Variants in RAPGEF4 observed in about 807,000 individuals in gnomAD.
RAPGEF4 encodes Rap guanine nucleotide exchange factor 4.
Under a neutral mutation model 147.9 loss-of-function variants are expected in RAPGEF4, and 66 were observed. That is an observed-to-expected ratio of 0.45 (90% CI 0.37 to 0.55). The LOEUF is 0.55. RAPGEF4 is among the 20% of genes least tolerant of loss of function. The probability of loss-of-function intolerance (pLI) is 0.00; values close to 1 mark genes in which losing one functional copy is unlikely to be tolerated. For synonymous variants in RAPGEF4, 419 were observed against 442.7 expected (o/e 0.95, Z 0.67); for missense variants, 1,071 against 1,257.3 (o/e 0.85, Z 2.24).
intron 26 of RAPGEF4, among the ~76,000 whole-genome samples, chr2:173,033,442 CAA>C (rs1170693400): frequency 6.6e-6 from 1 of 152,074 alleles, no homozygotes; most frequent in Non-Finnish European, 1.5e-5. Context: ...TATCAGTAAA[CAA>C]AACAAATAAA....
chr2:173,033,292 G>C (rs1188932007), intron 26 of RAPGEF4, among the ~76,000 whole-genome samples: 1 of 152,190 alleles, frequency 6.6e-6, no homozygotes, highest in African/African-American at 2.4e-5. Context: ...GCTCTAATGA[G>C]AAGCAGCTGT....
At chr2:172,765,524 G>T (rs1048390905) in intron 1 of RAPGEF4, among the ~76,000 whole-genome samples, 14 of 152,142 alleles carry the variant, frequency 9.2e-5, no homozygotes, top group African/African-American at 3.4e-4. Flanking sequence ...CTAGTGTCTT[G>T]CCATCTCTCA....
rs1177106687 is a variant in RAPGEF4 at position 173,018,697 on chromosome 2, A to G, written c.2050A>G (p.Ile684Val). Reference sequence around the variant, plus strand: ...TTGCATGGACCACACCTACACAACCATTCGGGTGCCAGTGGCCACTTCGGT... The same window carrying G: ...TTGCATGGACCACACCTACACAACCGTTCGGGTGCCAGTGGCCACTTCGGT... Reference protein sequence around the residue: ...VYCMDHTYTTIRVPVATSVKE... With the variant: ...VYCMDHTYTTVRVPVATSVKE... Residue 684 changes from isoleucine to valine, a missense_variant, in exon 22 of 31, where the codon ATT becomes GTT. Ile to Val is a conservative substitution (Grantham distance 29, BLOSUM62 3). Coordinates refer to ENST00000397081, the MANE Select transcript of RAPGEF4 (RefSeq NM_007023.4). 3.1e-6 allele frequency: 5 copies of G among 1,614,016 alleles called. No individual in the cohort carries two copies. Among genetic ancestry groups the G allele is most frequent in the East Asian group, 4.5e-5 (2 of 44,886 alleles).
intron 6 of RAPGEF4, among the ~76,000 whole-genome samples, chr2:172,945,830 A>T (rs1687624702): frequency 6.6e-6 from 1 of 152,232 alleles, no homozygotes; most frequent in African/African-American, 2.4e-5. Flanking sequence ...GGCTATGTTC[A>T]AGTGGCCAAA....
At chr2:172,794,378 AAGC>A (rs1003050796) in intron 1 of RAPGEF4, among the ~76,000 whole-genome samples, 2 of 152,012 alleles carry the variant, frequency 1.3e-5, no homozygotes, top group African/African-American at 4.8e-5. Context: ...AAAAAGAAAA[AAGC>A]AGACAAATGT....
At chr2:172,742,809 T>G (rs929822090) in intron 1 of RAPGEF4, among the ~76,000 whole-genome samples, 1 of 152,200 alleles carries the variant, frequency 6.6e-6, no homozygotes, top group Non-Finnish European at 1.5e-5. Context: ...TGGGGATACA[T>G]GTAGGATTGG....
At chr2:172,988,647 C>A in intron 13 of RAPGEF4, 46 bp from the exon 14 acceptor site, 1 of 1,565,372 alleles carries the variant, frequency 6.4e-7, no homozygotes, top group Non-Finnish European at 8.8e-7. Flanking sequence ...TGGGTGTTTG[C>A]TCTATTTCAG....
intron 6 of RAPGEF4, among the ~76,000 whole-genome samples, chr2:172,947,722 CT>C (rs1318623422): frequency 6.6e-6 from 1 of 151,976 alleles, no homozygotes; most frequent in Non-Finnish European, 1.5e-5. Context: ...TATGACTCAT[CT>C]GTATAAGAGA....
intron 6 of RAPGEF4, among the ~76,000 whole-genome samples, chr2:172,931,188 T>TGGGGGGGGGGGGGGGGGGGGGGGG: frequency 6.6e-4 from 1 of 1,518 alleles, no homozygotes; most frequent in African/African-American, 1.7e-3. Context: ...GGGGGGGCGC[T>TGGGGGGGGGGGGGGGGGGGGGGGG]GGGGGGCGGG....
In RAPGEF4 at chr2:172,976,076, C is replaced by T. The variant is rs76933638; in HGVS notation, c.1005-7420C>T. 6.0e-3 allele frequency among the ~76,000 whole-genome samples: 920 copies of T among 152,304 alleles called. 14 individuals are homozygous for T. Among genetic ancestry groups the T allele is most frequent in the African/African-American group, 0.021 (876 of 41,546 alleles). On this transcript the variant is annotated intron_variant, in intron 10 of 30. Transcript: ENST00000397081. ...CACAAGTATTCATAAAGCTTTTGCC[C>T]TTTATTGCAGTTATAGACTGTATTC...
intron 2 of RAPGEF4, 74 bp from the exon 3 acceptor site, chr2:172,797,451 G>C (rs542031951): frequency 1.7e-6 from 2 of 1,208,852 alleles, no homozygotes; most frequent in Non-Finnish European, 2.4e-6. Flanking sequence ...GCTTGGACCA[G>C]TGAAAAACTG....
At chr2:172,790,555 CA>C (rs1685713453) in intron 1 of RAPGEF4, among the ~76,000 whole-genome samples, 1 of 152,122 alleles carries the variant, frequency 6.6e-6, no homozygotes, top group Non-Finnish European at 1.5e-5. Context: ...TGATATACTG[CA>C]AGAACTTCCT....
At chr2:173,031,045 G>C (rs980419907) in intron 26 of RAPGEF4, among the ~76,000 whole-genome samples, 2 of 152,160 alleles carry the variant, frequency 1.3e-5, no homozygotes, top group Non-Finnish European at 2.9e-5. Flanking sequence ...ACAGAAAGAG[G>C]GCAAGGAGTA....
At chr2:172,911,711 G>A (rs1575210788) in intron 4 of RAPGEF4, among the ~76,000 whole-genome samples, 1 of 150,242 alleles carries the variant, frequency 6.7e-6, no homozygotes, top group South Asian at 2.1e-4. Context: ...TGCCTGCCTC[G>A]GCCTCCCAAA....
chr2:172,800,337 C>T (rs1413156901), intron 3 of RAPGEF4, among the ~76,000 whole-genome samples: 1 of 152,154 alleles, frequency 6.6e-6, no homozygotes, highest in Non-Finnish European at 1.5e-5. Context: ...GGTCCAGCCA[C>T]ATGGGAGAAA....
intron 4 of RAPGEF4, among the ~76,000 whole-genome samples, chr2:172,912,891 CTCTTT>C (rs1406324030): frequency 1.7e-5 from 2 of 115,728 alleles, no homozygotes; most frequent in African/African-American, 3.2e-5. Flanking sequence ...GCCTCCCTCA[CTCTTT>C]TTTTTTTTTT....
At chr2:172,846,912 C>A (rs375029934) in intron 4 of RAPGEF4, among the ~76,000 whole-genome samples, 5 of 152,100 alleles carry the variant, frequency 3.3e-5, no homozygotes, top group African/African-American at 1.2e-4. Flanking sequence ...GTTTCCAGCA[C>A]GTGTTTTTGG....
intron 4 of RAPGEF4, among the ~76,000 whole-genome samples, chr2:172,912,320 G>A (rs1180819674): frequency 1.3e-5 from 2 of 152,168 alleles, no homozygotes; most frequent in Non-Finnish European, 2.9e-5. Context: ...ATACCCATGT[G>A]CATCTTTGCA....
rs574475331 is a variant in RAPGEF4 at position 173,010,890 on chromosome 2, A to G, written c.1659-3574A>G. 3.0e-4 allele frequency among the ~76,000 whole-genome samples: 46 copies of G among 152,344 alleles called. No homozygotes were observed. The South Asian group carries it at 9.1e-3, about 30-fold the overall frequency. On this transcript the variant is annotated intron_variant, in intron 17 of 30. Coordinates refer to ENST00000397081, the MANE Select transcript of RAPGEF4 (RefSeq NM_007023.4). ...TTAGCAATGCCTGGATTCAGCTATA[A>G]AAGAAGTATCACCCCCACCCTCACT...
Sources: allele counts gnomAD v4.1 joint callset (sites outside exome capture counted in the v4.1 genomes callset), GRCh38; gene constraint gnomAD v4.1.1; transcripts MANE v1.5; gene names NCBI Gene and HGNC (gene_info 2026-07-23, HGNC 2026-07-21).